Variants in DMD observed in about 807,000 individuals in gnomAD.
DMD encodes dystrophin, also known as mutant dystrophin.
Under a neutral mutation model 330.1 loss-of-function variants are expected in DMD, and 63 were observed. The ratio of observed to expected loss-of-function variants is 0.19; its 90% CI spans 0.16 to 0.24. The LOEUF (loss-of-function observed/expected upper bound fraction) is 0.24. DMD is among the 10% of genes least tolerant of loss of function. DMD has a pLI of 1.00. For missense variants in DMD, 3,344 were observed against 2,684.1 expected, an observed-to-expected ratio of 1.25 and a Z score of -5.43; for synonymous variants, 1,223 against 959.8, an observed-to-expected ratio of 1.27 and a Z score of -5.07.
chrX:33,016,656 G>C (rs2093809085), intron 2 of DMD, among the ~76,000 whole-genome samples: 1 of 111,634 alleles, frequency 9.0e-6, no homozygotes, highest in African/African-American at 3.3e-5. Flanking sequence ...AGACAGAAGA[G>C]TGAGTATGGA....
At chrX:31,943,245 A>T (rs974044981) in intron 45 of DMD, among the ~76,000 whole-genome samples, 2 of 112,339 alleles carry the variant, frequency 1.8e-5, no homozygotes, top group African/African-American at 3.2e-5. Flanking sequence ...CTTCTTAGAC[A>T]TCTACTAGGG....
intron 55 of DMD, among the ~76,000 whole-genome samples, chrX:31,608,699 T>C (rs770458063): frequency 1.1e-4 from 12 of 111,536 alleles, no homozygotes; most frequent in Admixed American, 2.9e-4. Flanking sequence ...ACCAGCAGCC[T>C]AGATGGACGT....
chrX:33,070,093 G>A (rs1241150497), intron 1 of DMD, among the ~76,000 whole-genome samples: 1 of 111,441 alleles, frequency 9.0e-6, no homozygotes, highest in African/African-American at 3.3e-5. Flanking sequence ...ATAGGTTGCT[G>A]GAAAAAGCCT....
At chrX:31,142,716 C>G (rs1009907047) in intron 76 of DMD, among the ~76,000 whole-genome samples, 1 of 112,169 alleles carries the variant, frequency 8.9e-6, no homozygotes, top group Admixed American at 9.4e-5. Flanking sequence ...AAGGAGTTGT[C>G]TGGACATCAC....
intron 13 of DMD, among the ~76,000 whole-genome samples, chrX:32,587,237 GGCTTTGTTATTT>G (rs2054394457): frequency 9.0e-6 from 1 of 111,632 alleles, no homozygotes; most frequent in Non-Finnish European, 1.9e-5. Context: ...CTTTCCAAGT[GGCTTTGTTATTT>G]TAACATTCTC....
chrX:31,631,357 G>A (rs974198434), intron 54 of DMD, among the ~76,000 whole-genome samples: 16 of 111,205 alleles, frequency 1.4e-4, no homozygotes, highest in Non-Finnish European at 3.0e-4. Context: ...CTGTCTGAGA[G>A]CTGGACTCAG....
At chrX:32,604,252 A>T (rs141033663) in intron 12 of DMD, among the ~76,000 whole-genome samples, 177 of 111,031 alleles carry the variant, frequency 1.6e-3, no homozygotes, top group African/African-American at 5.7e-3. Flanking sequence ...CAATATATGC[A>T]GAGCAATATA....
chrX:32,157,108 G>A (rs1196194405), intron 44 of DMD, among the ~76,000 whole-genome samples: 1 of 112,205 alleles, frequency 8.9e-6, no homozygotes, highest in Non-Finnish European at 1.9e-5. Context: ...GCGTAATTAA[G>A]CACACACAAA....
At chrX:33,161,912 G>A (rs2048790479) in intron 1 of DMD, among the ~76,000 whole-genome samples, 1 of 112,000 alleles carries the variant, frequency 8.9e-6, no homozygotes, top group African/African-American at 3.2e-5. Flanking sequence ...CTCTCAAAAT[G>A]AAATAATTTC....
chrX:33,027,087 A>C (rs1189881315), intron 1 of DMD, among the ~76,000 whole-genome samples: 1 of 112,534 alleles, frequency 8.9e-6, no homozygotes, highest in Non-Finnish European at 1.9e-5. Flanking sequence ...GACATCTGTG[A>C]ATAAATTATG....
intron 2 of DMD, among the ~76,000 whole-genome samples, chrX:33,009,993 T>TAC (rs1409438316): frequency 6.5e-5 from 2 of 30,614 alleles, no homozygotes; most frequent in African/African-American, 1.3e-4. Flanking sequence ...TGTGTGTATA[T>TAC]ACACGTATGT....
chrX:32,742,818 T>A (rs777719747), intron 7 of DMD, among the ~76,000 whole-genome samples: 1 of 112,293 alleles, frequency 8.9e-6, no homozygotes, highest in South Asian at 3.7e-4. Context: ...CATGTTCTCT[T>A]CTGTAAAATT....
At chrX:32,068,182 C>T (rs778149013) in intron 44 of DMD, among the ~76,000 whole-genome samples, 4 of 110,755 alleles carry the variant, frequency 3.6e-5, no homozygotes, top group Non-Finnish European at 5.7e-5. Context: ...TGTCTTTTGC[C>T]CATTTTTTAA....
chrX:32,265,284 G>T (rs1343129201), intron 43 of DMD, among the ~76,000 whole-genome samples: 1 of 112,807 alleles, frequency 8.9e-6, no homozygotes, highest in African/African-American at 3.2e-5. Context: ...GAGGGTGCAA[G>T]CCCCAAGATT....
At chrX:31,624,843 C>T (rs2148403800) in intron 55 of DMD, among the ~76,000 whole-genome samples, 1 of 111,725 alleles carries the variant, frequency 9.0e-6, no homozygotes, top group Non-Finnish European at 1.9e-5. Context: ...TCCTTTTGTT[C>T]AAAATAAAAA....
chrX:32,776,769 T>A (rs2074194478), intron 7 of DMD, among the ~76,000 whole-genome samples: 1 of 111,858 alleles, frequency 8.9e-6, no homozygotes, highest in Non-Finnish European at 1.9e-5. Context: ...CAGAATAAAT[T>A]GTTTCCAATA....
intron 2 of DMD, among the ~76,000 whole-genome samples, chrX:32,923,766 T>G (rs747037948): frequency 9.0e-6 from 1 of 111,577 alleles, no homozygotes; most frequent in South Asian, 3.7e-4. Context: ...CTTCATAGGT[T>G]TTTCAGGGAT....
intron 17 of DMD, among the ~76,000 whole-genome samples, chrX:32,533,927 A>C (rs1055504900): frequency 8.9e-6 from 1 of 111,744 alleles, no homozygotes; most frequent in Non-Finnish European, 1.9e-5. Flanking sequence ...GGGTTCCAAA[A>C]GGATCTAGTG....
chrX:33,015,520 A>G (rs2147706862), intron 2 of DMD, among the ~76,000 whole-genome samples: 1 of 110,747 alleles, frequency 9.0e-6, no homozygotes, highest in East Asian at 2.9e-4. Flanking sequence ...CGGAAGGTGG[A>G]GGGTGGGAGG....
Sources: allele counts gnomAD v4.1 joint callset (sites outside exome capture counted in the v4.1 genomes callset), GRCh38; gene constraint gnomAD v4.1.1; transcripts MANE v1.5; gene names NCBI Gene and HGNC (gene_info 2026-07-23, HGNC 2026-07-21).